NPEPL1: variants seen among roughly 807,000 people sequenced by gnomAD.
The protein encoded by NPEPL1 is aminopeptidase like 1, also known as probable aminopeptidase NPEPL1.
Under a neutral mutation model 52.4 loss-of-function variants are expected in NPEPL1, and 45 were observed. The ratio of observed to expected loss-of-function variants is 0.86; its 90% CI spans 0.68 to 1.10. The LOEUF (loss-of-function observed/expected upper bound fraction) is 1.10. Among genes scored for constraint, NPEPL1 ranks in the 50% least tolerant of loss-of-function variants. The pLI, the probability that NPEPL1 is intolerant of heterozygous loss-of-function variation, is 0.00. For missense variants in NPEPL1, 696 were observed against 710.9 expected (o/e 0.98, Z 0.24); for synonymous variants, 360 against 314.7 (o/e 1.14, Z -1.52).
In NPEPL1 at chr20:58,715,219, C is replaced by T. The variant is rs779600933; in HGVS notation, c.1465C>T (p.Arg489Cys). The T allele has an allele frequency of 6.8e-6, 11 of 1,608,446 alleles. No individual in the cohort carries two copies. Among genetic ancestry groups the T allele is most frequent in the South Asian group, 3.3e-5 (3 of 90,182 alleles). Reference protein sequence around the residue: ...GVALLLALFGRASEDPLLNLV... With the variant: ...GVALLLALFGCASEDPLLNLV... ...GGCCCTCCTGCTGGCGCTCTTCGGC[C>T]GTGCCTCTGAGGACCCTCTGCTGAA... Residue 489 changes from arginine (R) to cysteine (C), a missense_variant, in exon 12 of 12, where the codon CGT becomes TGT. Arg to Cys is a radical substitution (Grantham distance 180). Transcript: ENST00000356091.
chr20:58,712,542 A>T lies in NPEPL1; in HGVS notation c.964A>T (p.Thr322Ser), dbSNP rs1271588392. The T allele has an allele frequency of 6.2e-7, 1 of 1,613,080 alleles. No individual in the cohort carries two copies. Among genetic ancestry groups the T allele is most frequent in the Non-Finnish European group, 8.5e-7 (1 of 1,179,662 alleles). ...TGAGAACTCGGTGGGGCCCAATGCG[A>T]CAAGGCCAGATGACATCCACCTGCT... The part of the protein sequence containing the change: ...LAENSVGPNA[T>S]RPDDIHLLYS... The change falls in exon 8 of 12, where the codon ACA becomes TCA. Residue 322 changes from threonine to serine, a missense_variant. By Grantham distance (58) the Thr-to-Ser change is moderately conservative. Transcript: ENST00000356091.
chr20:58,691,653 G>A (rs2084345917), upstream of NPEPL1: 10 of 721,624 alleles, frequency 1.4e-5, no homozygotes, highest in South Asian at 3.5e-5. Flanking sequence ...CTCACACCAC[G>A]CCAGGGAGTT....
intron 6 of NPEPL1, among the ~76,000 whole-genome samples, chr20:58,706,382 A>G (rs118066734): frequency 0.029 from 4,406 of 152,312 alleles, 83 homozygotes; most frequent in Middle Eastern, 0.065. Flanking sequence ...AACCCTCACC[A>G]TCATTCAAGG....
At chr20:58,706,751 C>G (rs961659368) in intron 6 of NPEPL1, among the ~76,000 whole-genome samples, 3 of 152,130 alleles carry the variant, frequency 2.0e-5, no homozygotes, top group African/African-American at 7.2e-5. Flanking sequence ...GGTCAGGGTG[C>G]CCGGCGTCAA....
intron 6 of NPEPL1, among the ~76,000 whole-genome samples, chr20:58,703,162 G>A (rs1007839264): frequency 1.3e-5 from 2 of 152,224 alleles, no homozygotes; most frequent in Non-Finnish European, 2.9e-5. Context: ...AGGAATGTGG[G>A]TAGTAGATTT....
At chr20:58,710,530 C>G (rs1375814469) in intron 7 of NPEPL1, among the ~76,000 whole-genome samples, 1 of 152,114 alleles carries the variant, frequency 6.6e-6, no homozygotes, top group Non-Finnish European at 1.5e-5. Context: ...ACTTACCAAC[C>G]CAAAACCCTT....
rs1295003356 is a variant in NPEPL1 at position 58,713,600 on chromosome 20, CTT to C, written c.1125+58_1125+59del. ...TAGTCCCAGGGAACCCCACCCCACTCTTGACCTCAAGGTGGGGAAGGCAGCGC... is the reference window on the plus strand; with the variant it reads ...TAGTCCCAGGGAACCCCACCCCACTCGACCTCAAGGTGGGGAAGGCAGCGC... On this transcript the variant is annotated intron_variant, in intron 9 of 11. Coordinates refer to ENST00000356091, the MANE Select transcript of NPEPL1 (RefSeq NM_024663.4). This position sits in a 1 kb window ranked among gnomAD's most constrained non-coding sequence, Gnocchi z 4.6. 2 of 1,508,788 alleles carry C rather than the reference CTT, an allele frequency of 1.3e-6. No homozygotes were observed. The highest frequency in any genetic ancestry group is 2.8e-5 in the African/African-American group (2 of 72,114). 93.5% of individuals were successfully genotyped at this position (1,508,788 alleles called of 1,614,324 possible). A position where few individuals can be genotyped will look rare whatever the true frequency, so the allele number is the denominator to read the frequency against.
chr20:58,691,401 T>TTTTTTGGGG, upstream of NPEPL1: 1 of 435,094 alleles, frequency 2.3e-6, no homozygotes, highest in Non-Finnish European at 4.0e-6. Flanking sequence ...TTTTTTTTTT[T>TTTTTTGGGG]GAGTGCCTGC....
In NPEPL1 at chr20:58,713,273, C is replaced by A; in HGVS notation, c.1002-147C>A. 9.4e-7 allele frequency: 1 copy of A among 1,065,714 alleles called. No individual in the cohort carries two copies. The highest frequency in any genetic ancestry group is 1.3e-6 in the Non-Finnish European group (1 of 753,268). The allele number at this position is 1,065,714 out of a possible 1,614,324, so 66.0% of individuals were successfully genotyped here. ...GCATTGCTGTAGGGACTGGGGGCAT[C>A]CCGGCCTTCCCATTCAGGGAACGTG... On this transcript the variant is annotated intron_variant, in intron 8 of 11. Transcript: ENST00000356091. This position sits in a 1 kb window ranked among gnomAD's most constrained non-coding sequence, Gnocchi z 4.6.
chr20:58,711,181 G>A (rs910775844), intron 7 of NPEPL1: 4 of 145,066 alleles, frequency 2.8e-5, no homozygotes, highest in African/African-American at 1.1e-4. Flanking sequence ...TTTCTAGGAG[G>A]ACTTCAGGGC....
chr20:58,714,829 C>CT, intron 11 of NPEPL1, 159 bp downstream of exon 11: 1 of 649,694 alleles, frequency 1.5e-6, no homozygotes. Flanking sequence ...CTCATCCTCC[C>CT]TGGGAACAGA....
chr20:58,693,824 C>A lies in NPEPL1; in HGVS notation c.238C>A (p.Pro80Thr). 6.2e-7 allele frequency: 1 copy of A among 1,613,748 alleles called. No individual in the cohort carries two copies. The highest frequency in any genetic ancestry group is 1.1e-5 in the South Asian group (1 of 91,080). Reference sequence around the variant, plus strand: ...GAACTACGCCACCGTGGCTGCCCTGCCCTGCAGGGTGAGCCGGCACAACAG... The same window carrying A: ...GAACTACGCCACCGTGGCTGCCCTGACCTGCAGGGTGAGCCGGCACAACAG... ...YLNYATVAAL[P>T]CRVSRHNSPS... The change falls in exon 2 of 12, where the codon CCC (proline) becomes ACC (threonine). Residue 80 changes from proline to threonine, a missense_variant. Coordinates refer to ENST00000356091, the MANE Select transcript of NPEPL1 (RefSeq NM_024663.4).
intron 7 of NPEPL1, among the ~76,000 whole-genome samples, chr20:58,710,032 C>CTTT (rs59087368): frequency 0.23 from 24,764 of 109,126 alleles, 4,336 homozygotes; most frequent in African/African-American, 0.51. Flanking sequence ...TTGTTTGTGG[C>CTTT]TTTTTTTTTT....
At chr20:58,690,912 T>C (rs777397859), upstream of NPEPL1, 5 of 516,186 alleles carry the variant, frequency 9.7e-6, no homozygotes, top group African/African-American at 1.9e-5. Context: ...CAAAATTCTA[T>C]AGAGTGAGCC....
At chr20:58,691,777 G>A, upstream of NPEPL1, 3 of 1,528,350 alleles carry the variant, frequency 2.0e-6, no homozygotes, top group Non-Finnish European at 1.8e-6. Flanking sequence ...GGAACTACAT[G>A]GAGGTAACAG....
intron 6 of NPEPL1, among the ~76,000 whole-genome samples, chr20:58,701,658 G>C (rs2084625389): frequency 6.6e-6 from 1 of 152,154 alleles, no homozygotes. Context: ...GCTGCTTGGG[G>C]GCTTTGTCCC....
At chr20:58,694,940 A>G (rs983031875) in intron 3 of NPEPL1, among the ~76,000 whole-genome samples, 1 of 115,212 alleles carries the variant, frequency 8.7e-6, no homozygotes, top group Non-Finnish European at 1.9e-5. Flanking sequence ...GTGCGTGCAC[A>G]TGTGTGTTGC....
At chr20:58,694,061 A>C in intron 2 of NPEPL1, 139 bp downstream of exon 2, 1 of 877,552 alleles carries the variant, frequency 1.1e-6, no homozygotes, top group Non-Finnish European at 1.7e-6. Flanking sequence ...CTCTGTAGAC[A>C]GGGAAACAGG....
rs768070444 is a variant in NPEPL1 at position 58,707,119 on chromosome 20, G to T, written c.823-4G>T. 1 of 1,551,204 alleles carries T rather than the reference G, an allele frequency of 6.4e-7. No individual in the cohort carries two copies. Among genetic ancestry groups the T allele is most frequent in the Non-Finnish European group, 8.7e-7 (1 of 1,147,136 alleles). On this transcript the variant is annotated splice_polypyrimidine_tract_variant and splice_region_variant and intron_variant, in intron 6 of 11. Transcript: ENST00000356091. Reference sequence around the variant, plus strand: ...TTGTCCTGGTCCCTTTGTACCACCCGCAGACTACCATGCCGGGGATGAAGC... The same window carrying T: ...TTGTCCTGGTCCCTTTGTACCACCCTCAGACTACCATGCCGGGGATGAAGC...
Sources: allele counts gnomAD v4.1 joint callset (sites outside exome capture counted in the v4.1 genomes callset), GRCh38; gene constraint gnomAD v4.1.1; non-coding constraint Gnocchi (gnomAD v3.1); transcripts MANE v1.5; gene names NCBI Gene and HGNC (gene_info 2026-07-23, HGNC 2026-07-21).